SMIM21: variants seen among roughly 807,000 people sequenced by gnomAD.
SMIM21 encodes small integral membrane protein 21, also known as chromosome 18 open reading frame 62.
In SMIM21, 8 loss-of-function variants were observed where a neutral mutation model predicts 8.6. The ratio of observed to expected loss-of-function variants is 0.93; its 90% confidence interval spans 0.55 to 1.68. The LOEUF is 1.68. Among genes scored for constraint, SMIM21 ranks in the 40% most tolerant of loss-of-function variants. The pLI is 0.00. For synonymous variants in SMIM21, 43 were observed against 41.7 expected, an observed-to-expected ratio of 1.03 and a Z score of -0.12; for missense variants, 132 against 123.0, an observed-to-expected ratio of 1.07 and a Z score of -0.35.
intron 2 of SMIM21, 99 bp downstream of exon 2, chr18:75,418,687 T>C: frequency 8.4e-7 from 1 of 1,197,074 alleles, no homozygotes; most frequent in Non-Finnish European, 1.1e-6. Flanking sequence ...GATTGCTTGA[T>C]GAATGTTCTA....
chr18:75,426,631 TAAA>T (rs777676195), intron 1 of SMIM21, among the ~76,000 whole-genome samples: 2 of 89,256 alleles, frequency 2.2e-5, no homozygotes, highest in African/African-American at 9.6e-5. Flanking sequence ...TTTTAAAATG[TAAA>T]AAAAAAAAAA....
intron 2 of SMIM21, chr18:75,412,464 G>C (rs2024594534): frequency 6.6e-6 from 1 of 152,220 alleles, no homozygotes. Context: ...TTTGCTGCCT[G>C]CTGCTTTTTC....
chr18:75,427,393 A>T, intron 1 of SMIM21, 42 bp downstream of exon 1: 1 of 1,599,516 alleles, frequency 6.3e-7, no homozygotes, highest in Non-Finnish European at 8.5e-7. Context: ...GTGCAGTGAT[A>T]CGTCTCTCTC....
rs182215514 is a variant in SMIM21, at chr18:75,421,481, C to T, written c.130-2565G>A. On this transcript the variant is annotated intron_variant, in intron 1 of 2. Transcript: ENST00000579022. ...CAGGACCTCTGCTGTGGCCACAAGT[C>T]GGGAGTGGAGGGAGCTGAGGAGGTG... 5.3e-5 allele frequency among the ~76,000 whole-genome samples: 8 copies of T among 151,094 alleles called. No homozygotes were observed. In the South Asian group the frequency reaches 6.4e-4, roughly 12 times the overall value.
chr18:75,415,003 A>C (rs1048695608), intron 2 of SMIM21, among the ~76,000 whole-genome samples: 19 of 152,200 alleles, frequency 1.2e-4, no homozygotes, highest in African/African-American at 4.6e-4. Context: ...CCCAATCCTG[A>C]CAAGATCAAG....
intron 1 of SMIM21, among the ~76,000 whole-genome samples, chr18:75,420,828 C>T (rs1179774113): frequency 6.6e-6 from 1 of 152,108 alleles, no homozygotes; most frequent in Non-Finnish European, 1.5e-5. Flanking sequence ...CCAGGATCCT[C>T]CAGTTTTAGG....
chr18:75,418,702 T>TC, intron 2 of SMIM21, 84 bp downstream of exon 2: 1 of 1,344,606 alleles, frequency 7.4e-7, no homozygotes, highest in Non-Finnish European at 1.0e-6. Flanking sequence ...GTTCTAGTTT[T>TC]TTTTTAACTG....
At chr18:75,422,853 T>C (rs2024723994) in intron 1 of SMIM21, among the ~76,000 whole-genome samples, 2 of 152,332 alleles carry the variant, frequency 1.3e-5, no homozygotes, top group South Asian at 4.1e-4. Flanking sequence ...TATGGGGTTA[T>C]AAAAATATTC....
chr18:75,410,846 A>G lies in SMIM21; in HGVS notation c.*18T>C. ...AAATCCATGGTATGAAGGCCATGAG[A>G]GAGAAACGTAGTGTCATTTATTCTG... On this transcript the variant is annotated 3_prime_UTR_variant, in exon 3 of 3. Coordinates refer to ENST00000579022, the MANE Select transcript of SMIM21 (RefSeq NM_001037331.3). 1.2e-6 allele frequency: 2 copies of G among 1,614,110 alleles called. No individual in the cohort carries two copies.
rs1448486301 is a variant in SMIM21, at chr18:75,410,527, T to C, written c.*337A>G. The C allele has an allele frequency of 1.2e-5, 4 of 322,348 alleles. No homozygotes were observed. The highest frequency in any genetic ancestry group is 2.2e-5 in the Non-Finnish European group (4 of 180,258). The allele number at this position is 322,348 out of a possible 1,614,324, so 20.0% of individuals were successfully genotyped here. A position where few individuals can be genotyped will look rare whatever the true frequency, so the allele number is the denominator to read the frequency against. ...TGCAAGGAAAAAGTTACAGCAGCAATTGAAAATATGACTACAGGCTTGATG... is the reference window on the plus strand; with the variant it reads ...TGCAAGGAAAAAGTTACAGCAGCAACTGAAAATATGACTACAGGCTTGATG... On this transcript the variant is annotated 3_prime_UTR_variant, in exon 3 of 3. Coordinates refer to ENST00000579022, the MANE Select transcript of SMIM21 (RefSeq NM_001037331.3).
At chr18:75,411,027 TC>T (rs74927953) in intron 2 of SMIM21, 118 bp from the exon 3 acceptor site, 24 of 1,411,298 alleles carry the variant, frequency 1.7e-5, no homozygotes, top group South Asian at 2.6e-5. Flanking sequence ...ATTTAATTTT[TC>T]CCCCCAAGAT....
intron 2 of SMIM21, chr18:75,418,184 GT>G (rs763367988): frequency 2.5e-6 from 1 of 398,496 alleles, no homozygotes; most frequent in Middle Eastern, 6.3e-4. Context: ...GAAAGAAGGA[GT>G]TTTTTACCTG....
intron 1 of SMIM21, among the ~76,000 whole-genome samples, chr18:75,421,164 A>G (rs1386597048): frequency 2.6e-5 from 4 of 152,226 alleles, no homozygotes; most frequent in African/African-American, 9.6e-5. Context: ...AACAAAAACC[A>G]GCTTTAGGTC....
chr18:75,414,758 A>G (rs1048225668), intron 2 of SMIM21, among the ~76,000 whole-genome samples: 14 of 152,176 alleles, frequency 9.2e-5, no homozygotes, highest in African/African-American at 3.1e-4. Context: ...GCATTTGGCA[A>G]ACACAAACCT....
At chr18:75,419,755 G>T (rs2024689698) in intron 1 of SMIM21, among the ~76,000 whole-genome samples, 1 of 152,154 alleles carries the variant, frequency 6.6e-6, no homozygotes, top group Non-Finnish European at 1.5e-5. Flanking sequence ...ATACTTTCAA[G>T]AAGTGGAAAA....
intron 2 of SMIM21, chr18:75,415,966 G>A (rs988390154): frequency 6.6e-5 from 10 of 152,136 alleles, no homozygotes; most frequent in African/African-American, 2.4e-4. Flanking sequence ...CAGATATTAC[G>A]CTGCAGGCAA....
intron 1 of SMIM21, among the ~76,000 whole-genome samples, chr18:75,422,778 T>C (rs1257708539): frequency 6.6e-6 from 1 of 152,146 alleles, no homozygotes; most frequent in Non-Finnish European, 1.5e-5. Flanking sequence ...AGAAACAGGA[T>C]GTGGTTGTCA....
In SMIM21 at chr18:75,410,847, GA is replaced by G. The variant is rs2024575933; in HGVS notation, c.*16del. On this transcript the variant is annotated 3_prime_UTR_variant, in exon 3 of 3. Coordinates refer to ENST00000579022, the MANE Select transcript of SMIM21 (RefSeq NM_001037331.3). ...AATCCATGGTATGAAGGCCATGAGA[GA>G]GAAACGTAGTGTCATTTATTCTGCT... 4 of 1,614,070 alleles carry G rather than the reference GA, an allele frequency of 2.5e-6. No individual in the cohort carries two copies. Among genetic ancestry groups the G allele is most frequent in the Admixed American group, 1.7e-5 (1 of 60,018 alleles).
At chr18:75,414,090 C>T (rs77731077) in intron 2 of SMIM21, among the ~76,000 whole-genome samples, 2,786 of 57,136 alleles carry the variant, frequency 0.049, 45 homozygotes, top group East Asian at 0.35. Flanking sequence ...CACACACACA[C>T]ACACACATAC....
Sources: allele counts gnomAD v4.1 joint callset (sites outside exome capture counted in the v4.1 genomes callset), GRCh38; gene constraint gnomAD v4.1.1; transcripts MANE v1.5; gene names NCBI Gene and HGNC (gene_info 2026-07-23, HGNC 2026-07-21).